LHX8: variants seen among roughly 807,000 people sequenced by gnomAD.
The protein encoded by LHX8 is LIM/homeobox protein Lhx8.
In LHX8, 12 loss-of-function variants were observed where a neutral mutation model predicts 40.3. The observed-to-expected ratio is 0.30, with a 90% CI of 0.19 to 0.48. The LOEUF (loss-of-function observed/expected upper bound fraction) is 0.48, where lower values mean the gene tolerates loss of function less well. LHX8 is among the 20% of genes least tolerant of loss of function. The pLI, the probability that LHX8 is intolerant of heterozygous loss-of-function variation, is 0.99. For missense variants in LHX8, 344 were observed against 433.7 expected, an observed-to-expected ratio of 0.79 and a Z score of 1.84; for synonymous variants, 179 against 162.0, an observed-to-expected ratio of 1.10 and a Z score of -0.80.
chr1:75,192,660 T>C, the LHX8 span, among the ~76,000 whole-genome samples: 4 of 151,860 alleles, frequency 2.6e-5, no homozygotes, highest in Non-Finnish European at 4.4e-5. Context: ...TTTTTTACTT[T>C]TTTCATACAT....
chr1:75,154,864 C>G (rs1240442116), intron 7 of LHX8, among the ~76,000 whole-genome samples: 1 of 152,188 alleles, frequency 6.6e-6, no homozygotes, highest in Non-Finnish European at 1.5e-5. Context: ...AGGCTATATA[C>G]CCCACTAGAT....
the LHX8 span, among the ~76,000 whole-genome samples, chr1:75,184,417 A>G: frequency 6.6e-6 from 1 of 152,198 alleles, no homozygotes; most frequent in Non-Finnish European, 1.5e-5. Flanking sequence ...CATACCAAAC[A>G]CACTTTCAAA....
the LHX8 span, among the ~76,000 whole-genome samples, chr1:75,168,914 C>G: frequency 6.6e-6 from 1 of 152,348 alleles, no homozygotes; most frequent in South Asian, 2.1e-4. Flanking sequence ...AAAACATCAT[C>G]TCCCACCTGG....
upstream of LHX8, chr1:75,130,483 C>T (rs111227275): frequency 1.0e-5 from 6 of 591,890 alleles, no homozygotes; most frequent in African/African-American, 3.7e-5. Flanking sequence ...CCGCGTGGAG[C>T]AGGCTTGCCC....
At chr1:75,190,217 G>A in the LHX8 span, among the ~76,000 whole-genome samples, 10 of 152,082 alleles carry the variant, frequency 6.6e-5, no homozygotes, top group East Asian at 5.8e-4. Context: ...GAGTGTAGAC[G>A]GACTCTTTAA....
rs1214800323 is a variant in LHX8 at position 75,148,603 on chromosome 1, T to A, written c.701T>A (p.Phe234Tyr). Residue 234 changes from phenylalanine (F) to tyrosine (Y), a missense_variant, in exon 7 of 9, where the codon TTT (phenylalanine) becomes TAT (tyrosine). Coordinates refer to ENST00000356261, the MANE Select transcript of LHX8 (RefSeq NM_001256114.2). ...ADQLQVMQAQ[F>Y]AQDNNPDAQT... ...AAACAACAGGTTATGCAAGCACAAT[T>A]TGCTCAGGACAACAACCCAGATGCA... 16 of 1,613,840 alleles carry A rather than the reference T, an allele frequency of 9.9e-6. No homozygotes were observed. Among genetic ancestry groups the A allele is most frequent in the Non-Finnish European group, 1.2e-5 (14 of 1,179,770 alleles).
chr1:75,156,785 TTGTGTGGTAG>T, intron 7 of LHX8, 98 bp from the exon 8 acceptor site: 1 of 962,794 alleles, frequency 1.0e-6, no homozygotes, highest in South Asian at 1.3e-5. Flanking sequence ...TATGCGGTGC[TTGTGTGGTAG>T]TGTGATTGAG....
At chr1:75,175,224 C>T in the LHX8 span, among the ~76,000 whole-genome samples, 31 of 152,268 alleles carry the variant, frequency 2.0e-4, no homozygotes, top group African/African-American at 6.7e-4. Flanking sequence ...GCATTAAGGC[C>T]GGTTCCATAT....
chr1:75,189,829 G>A, the LHX8 span, among the ~76,000 whole-genome samples: 6 of 152,164 alleles, frequency 3.9e-5, no homozygotes, highest in Admixed American at 1.3e-4. Context: ...GCAAAGACCA[G>A]GACAGCTTTG....
intron 8 of LHX8, among the ~76,000 whole-genome samples, chr1:75,158,952 G>A (rs922097017): frequency 6.6e-6 from 1 of 152,052 alleles, no homozygotes; most frequent in Admixed American, 6.6e-5. Flanking sequence ...CATCTTAACA[G>A]TATTTTCTTC....
chr1:75,169,445 C>A, the LHX8 span, among the ~76,000 whole-genome samples: 1 of 152,100 alleles, frequency 6.6e-6, no homozygotes, highest in Non-Finnish European at 1.5e-5. Flanking sequence ...ATTGTCAACC[C>A]TACGTCAAGA....
intron 6 of LHX8, among the ~76,000 whole-genome samples, chr1:75,146,651 A>G (rs1011978662): frequency 1.3e-5 from 2 of 152,168 alleles, no homozygotes; most frequent in South Asian, 2.1e-4. Flanking sequence ...CTTCAGCAGC[A>G]TTAGTGCCTA....
chr1:75,130,002 C>G (rs1169410703), upstream of LHX8: 1 of 152,418 alleles, frequency 6.6e-6, no homozygotes, highest in Non-Finnish European at 1.5e-5. Flanking sequence ...TCCATTGGTC[C>G]TGATTTGTTT....
At chr1:75,185,993 G>A in the LHX8 span, among the ~76,000 whole-genome samples, 1 of 152,102 alleles carries the variant, frequency 6.6e-6, no homozygotes, top group African/African-American at 2.4e-5. Flanking sequence ...AACCAGGGAG[G>A]TAAAAGATCT....
chr1:75,149,595 G>A (rs577115938), intron 7 of LHX8, among the ~76,000 whole-genome samples: 1 of 152,238 alleles, frequency 6.6e-6, no homozygotes, highest in South Asian at 2.1e-4. Flanking sequence ...GGGTGGCCTA[G>A]GCTGGAGTGC....
At chr1:75,173,634 G>A in the LHX8 span, among the ~76,000 whole-genome samples, 9 of 151,826 alleles carry the variant, frequency 5.9e-5, no homozygotes, top group East Asian at 9.7e-4. Context: ...TGCCCGCCTC[G>A]GCCTCCCAAA....
At chr1:75,154,129 G>T (rs1012741733) in intron 7 of LHX8, among the ~76,000 whole-genome samples, 1 of 152,178 alleles carries the variant, frequency 6.6e-6, no homozygotes, top group Non-Finnish European at 1.5e-5. Flanking sequence ...AAACAAGAAG[G>T]AGGAAATTTT....
intron 4 of LHX8, among the ~76,000 whole-genome samples, 188 bp from the exon 5 acceptor site, chr1:75,142,930 C>A (rs1172005577): frequency 2.0e-5 from 3 of 152,044 alleles, no homozygotes; most frequent in Admixed American, 6.6e-5. Context: ...TGAGTTGTGA[C>A]CCTATCTCAT....
chr1:75,184,390 T>C, the LHX8 span, among the ~76,000 whole-genome samples: 1 of 151,922 alleles, frequency 6.6e-6, no homozygotes, highest in African/African-American at 2.4e-5. Flanking sequence ...CCTTAGCAAA[T>C]AGGAAAAAAC....
Sources: gnomAD v4.1 joint callset for allele counts (sites outside exome capture counted in the v4.1 genomes callset) on GRCh38, gnomAD v4.1.1 for gene constraint, MANE v1.5 for transcripts, NCBI Gene and HGNC (gene_info 2026-07-23, HGNC 2026-07-21) for gene names.